The following ARHGEF10 variants were observed in gnomAD, a reference collection of about 807,000 sequenced individuals.
ARHGEF10 encodes Rho guanine nucleotide exchange factor (GEF) 10.
Under a neutral mutation model 147.4 loss-of-function variants are expected in ARHGEF10, and 140 were observed. The observed-to-expected ratio is 0.95, with a 90% CI of 0.83 to 1.09. The LOEUF (loss-of-function observed/expected upper bound fraction) is 1.09, where lower values mean the gene tolerates loss of function less well. Ranked by LOEUF, ARHGEF10 falls within the 50% of genes least tolerant of loss-of-function variation. The probability of loss-of-function intolerance (pLI) is 0.00; values close to 1 mark genes in which losing one functional copy is unlikely to be tolerated. For missense variants in ARHGEF10, 2,222 were observed against 1,752.7 expected (o/e 1.27, Z -4.78); for synonymous variants, 902 against 695.8 (o/e 1.30, Z -4.67).
chr8:1,832,040 C>T (rs914472594), intron 1 of ARHGEF10, among the ~76,000 whole-genome samples: 3 of 152,124 alleles, frequency 2.0e-5, no homozygotes, highest in Admixed American at 6.5e-5. Context: ...CTGTGGAATG[C>T]GGTGCTTCCT....
intron 17 of ARHGEF10, among the ~76,000 whole-genome samples, chr8:1,908,132 A>G (rs561937461): frequency 3.3e-5 from 5 of 152,042 alleles, no homozygotes; most frequent in African/African-American, 1.2e-4. Context: ...GTAAGAAGGA[A>G]CTGGAGAGCT....
intron 17 of ARHGEF10, among the ~76,000 whole-genome samples, chr8:1,907,613 C>A (rs753789114): frequency 1.3e-5 from 2 of 152,170 alleles, no homozygotes; most frequent in African/African-American, 4.8e-5. Flanking sequence ...AAAATTCTCC[C>A]GCTGCCAGAC....
chr8:1,891,468 G>A (rs1809519906), intron 11 of ARHGEF10, among the ~76,000 whole-genome samples: 1 of 152,216 alleles, frequency 6.6e-6, no homozygotes, highest in Non-Finnish European at 1.5e-5. Context: ...TACTTGGAAA[G>A]TACCCTTGAT....
At chr8:1,840,208 G>A (rs1803908663) in intron 1 of ARHGEF10, among the ~76,000 whole-genome samples, 1 of 136,488 alleles carries the variant, frequency 7.3e-6, no homozygotes, top group Non-Finnish European at 1.5e-5. Context: ...GAAGCTGTCC[G>A]ATATGGGGAC....
intron 18 of ARHGEF10, among the ~76,000 whole-genome samples, chr8:1,915,076 C>T (rs1811655925): frequency 6.6e-6 from 1 of 152,152 alleles, no homozygotes; most frequent in Non-Finnish European, 1.5e-5. Context: ...TGTCCTGTGC[C>T]CCTGTGTGCT....
intron 18 of ARHGEF10, among the ~76,000 whole-genome samples, chr8:1,914,383 C>T (rs1811598951): frequency 6.6e-6 from 1 of 152,224 alleles, no homozygotes; most frequent in African/African-American, 2.4e-5. Context: ...CGATGTGGGA[C>T]CCCAGGAGTG....
chr8:1,908,355 C>G (rs1439455817), intron 17 of ARHGEF10, among the ~76,000 whole-genome samples: 3 of 151,374 alleles, frequency 2.0e-5, no homozygotes, highest in Non-Finnish European at 1.5e-5. Context: ...CTCAGCCTCC[C>G]TAGTAGCTGG....
At chr8:1,952,926 CAA>C in intron 28 of ARHGEF10, 99 bp downstream of exon 28, 3 of 1,515,698 alleles carry the variant, frequency 2.0e-6, no homozygotes, top group Non-Finnish European at 2.7e-6. Context: ...ATTCTTTAAA[CAA>C]TTCATATTAT....
intron 1 of ARHGEF10, among the ~76,000 whole-genome samples, chr8:1,832,657 G>T (rs1206125144): frequency 8.0e-4 from 78 of 97,588 alleles, no homozygotes; most frequent in South Asian, 1.4e-3. Flanking sequence ...GACAGAGAGA[G>T]ACAGAGGCAG....
chr8:1,861,553 C>G (rs888085865), intron 4 of ARHGEF10, among the ~76,000 whole-genome samples: 3 of 152,212 alleles, frequency 2.0e-5, no homozygotes, highest in African/African-American at 7.2e-5. Context: ...AGCCCACAGC[C>G]TCTACGCCTG....
At chr8:1,896,747 T>C (rs1359203564) in intron 14 of ARHGEF10, among the ~76,000 whole-genome samples, 1 of 152,186 alleles carries the variant, frequency 6.6e-6, no homozygotes, top group Admixed American at 6.5e-5. Context: ...TCACTGTCCT[T>C]CGGTATGGTA....
chr8:1,864,295 T>C, intron 4 of ARHGEF10, 78 bp from the exon 5 acceptor site: 1 of 1,449,950 alleles, frequency 6.9e-7, no homozygotes, highest in Non-Finnish European at 9.7e-7. Context: ...GTGAAACCAT[T>C]TTTAAGGGTA....
chr8:1,854,883 G>C (rs545363206), intron 2 of ARHGEF10, among the ~76,000 whole-genome samples: 104 of 152,118 alleles, frequency 6.8e-4, no homozygotes, highest in African/African-American at 2.4e-3. Flanking sequence ...GAACGCATGC[G>C]GTTCTTCTCA....
At chr8:1,847,951 TA>T (rs1804682749) in intron 2 of ARHGEF10, among the ~76,000 whole-genome samples, 1 of 152,202 alleles carries the variant, frequency 6.6e-6, no homozygotes, top group Admixed American at 6.5e-5. Context: ...TGCATGTCTT[TA>T]AAAGTTCTTC....
chr8:1,885,661 C>G lies in ARHGEF10; in HGVS notation c.1136C>G (p.Pro379Arg), dbSNP rs369967335. 3.1e-6 allele frequency: 5 copies of G among 1,613,992 alleles called. No individual in the cohort carries two copies. The highest frequency in any genetic ancestry group is 3.3e-4 in the Middle Eastern group (2 of 6,060). Residue 379 changes from proline (P) to arginine (R), a missense_variant, in exon 11 of 29, where the codon CCG (proline) becomes CGG (arginine). Pro to Arg is a moderately radical substitution (Grantham distance 103, BLOSUM62 -2). Coordinates refer to ENST00000349830, the MANE Select transcript of ARHGEF10 (RefSeq NM_014629.4). ...TTCATTGATGTTGACTGCAAGCACC[C>G]GGAAGCCATCTTGACCCCGATGCCC... ...NLFIDVDCKH[P>R]EAILTPMPEG... is the part of the protein sequence containing the mutation.
At chr8:1,834,145 C>G (rs1803438490) in intron 1 of ARHGEF10, among the ~76,000 whole-genome samples, 1 of 152,174 alleles carries the variant, frequency 6.6e-6, no homozygotes, top group Non-Finnish European at 1.5e-5. Context: ...CAAGTGGATA[C>G]TGTGGTGGCC....
intron 15 of ARHGEF10, among the ~76,000 whole-genome samples, chr8:1,901,128 GC>G (rs1810418706): frequency 6.6e-6 from 1 of 152,082 alleles, no homozygotes; most frequent in Admixed American, 6.6e-5. Flanking sequence ...TGCCTGAGGG[GC>G]CCTACCTCAG....
chr8:1,929,412 C>CG lies in ARHGEF10; in HGVS notation c.3052dup (p.Ala1018GlyfsTer29), dbSNP rs35849152. The CG allele has an allele frequency of 6.2e-7, 1 of 1,610,958 alleles. No homozygotes were observed. The highest frequency in any genetic ancestry group is 8.5e-7 in the Non-Finnish European group (1 of 1,178,812). On this transcript the variant is annotated frameshift_variant, in exon 25 of 29. Transcript: ENST00000349830. LOFTEE classifies it high-confidence loss of function. Reference sequence around the variant, plus strand: ...AGAGCCTGTACGCTGGCCTGGTCAACGGGGCAGTCGCCAGCTACGCCAGAG... The same window carrying CG: ...AGAGCCTGTACGCTGGCCTGGTCAACGGGGGCAGTCGCCAGCTACGCCAGAG...
chr8:1,841,790 G>A (rs1804050581), intron 1 of ARHGEF10, among the ~76,000 whole-genome samples: 1 of 151,784 alleles, frequency 6.6e-6, no homozygotes, highest in Non-Finnish European at 1.5e-5. Context: ...TTGGTGAAAT[G>A]ACCTGAAACC....
Sources: allele counts gnomAD v4.1 joint callset (sites outside exome capture counted in the v4.1 genomes callset), GRCh38; gene constraint gnomAD v4.1.1; transcripts MANE v1.5; gene names NCBI Gene and HGNC (gene_info 2026-07-23, HGNC 2026-07-21).